Variants in HDLBP observed in about 807,000 individuals in gnomAD.
HDLBP encodes the protein vigilin.
Under a neutral mutation model 137.3 loss-of-function variants are expected in HDLBP, and 30 were observed. The observed-to-expected ratio is 0.22, with a 90% CI of 0.16 to 0.30. The LOEUF is 0.30. Ranked by LOEUF, HDLBP falls within the 10% of genes least tolerant of loss-of-function variation. The probability of loss-of-function intolerance (pLI) is 1.00; values close to 1 mark genes in which losing one functional copy is unlikely to be tolerated. For missense variants in HDLBP, 1,119 were observed against 1,667.3 expected (o/e 0.67, Z 5.73); for synonymous variants, 606 against 596.0 (o/e 1.02, Z -0.24).
intron 1 of HDLBP, chr2:241,302,556 A>G (rs1329470272): frequency 6.6e-6 from 1 of 152,268 alleles, no homozygotes; most frequent in Non-Finnish European, 1.5e-5. Context: ...ACAAATTGGT[A>G]AAAGTGCCAA....
intron 16 of HDLBP, among the ~76,000 whole-genome samples, chr2:241,245,525 G>C (rs1421564268): frequency 6.6e-6 from 1 of 152,192 alleles, no homozygotes; most frequent in Non-Finnish European, 1.5e-5. Flanking sequence ...AGGAGGCTGG[G>C]TGCAGTGGCT....
chr2:241,295,670 C>T (rs776762329), intron 1 of HDLBP, among the ~76,000 whole-genome samples: 19 of 152,166 alleles, frequency 1.2e-4, no homozygotes, highest in Non-Finnish European at 2.4e-4. Flanking sequence ...ATTTGTTTTA[C>T]TTTTCTTGGA....
chr2:241,241,801 A>G (rs1433610234), intron 17 of HDLBP, among the ~76,000 whole-genome samples: 2 of 152,152 alleles, frequency 1.3e-5, no homozygotes, highest in Non-Finnish European at 2.9e-5. Flanking sequence ...AAATTATAAA[A>G]CACCAATAAA....
intron 1 of HDLBP, among the ~76,000 whole-genome samples, chr2:241,298,496 G>C (rs754848316): frequency 2.0e-5 from 3 of 152,158 alleles, no homozygotes; most frequent in African/African-American, 7.2e-5. Context: ...ACAATCAACC[G>C]AATTAACTGG....
chr2:241,275,396 T>C (rs1049403949), intron 1 of HDLBP, among the ~76,000 whole-genome samples: 4 of 151,218 alleles, frequency 2.6e-5, no homozygotes, highest in Admixed American at 2.0e-4. Context: ...AGAAAAAAAA[T>C]CGAGAGATGG....
At chr2:241,313,522 AC>A (rs2075825084) in intron 1 of HDLBP, among the ~76,000 whole-genome samples, 1 of 151,714 alleles carries the variant, frequency 6.6e-6, no homozygotes, top group Non-Finnish European at 1.5e-5. Context: ...TCAAGTGTCC[AC>A]CCGCCTCGAC....
intron 21 of HDLBP, 73 bp from the exon 22 acceptor site, chr2:241,235,667 C>T (rs1268319995): frequency 4.9e-6 from 5 of 1,014,536 alleles, no homozygotes; most frequent in East Asian, 2.4e-5. Context: ...AGCAATGGGG[C>T]TCCACGAAAC....
In HDLBP at chr2:241,259,292, C is replaced by T. The variant is rs141526562; in HGVS notation, c.451-2486G>A. Among the ~76,000 whole-genome samples the T allele has an allele frequency of 3.3e-3, 504 of 152,238 alleles. 1 individual carries two copies. The highest frequency in any genetic ancestry group is 0.031 in the Middle Eastern group (9 of 294). ...AGGATAAACCAGGACCAGGAATGGC[C>T]GCCTGCAAAGGTGAGGAGGGAGCAG... On this transcript the variant is annotated intron_variant, in intron 5 of 27. Coordinates refer to ENST00000310931, the MANE Select transcript of HDLBP (RefSeq NM_005336.6).
At chr2:241,256,518 A>T in intron 6 of HDLBP, 82 bp downstream of exon 6, 1 of 1,534,664 alleles carries the variant, frequency 6.5e-7, no homozygotes. Flanking sequence ...CTTGAAGTCC[A>T]CACTGGACAC....
At chr2:241,250,388 A>C in intron 11 of HDLBP, 1 of 158,288 alleles carries the variant, frequency 6.3e-6, no homozygotes. Context: ...ACACACATTA[A>C]CTCCACACAA....
At chr2:241,294,181 A>G (rs1326474954) in intron 1 of HDLBP, among the ~76,000 whole-genome samples, 2 of 152,134 alleles carry the variant, frequency 1.3e-5, no homozygotes, top group African/African-American at 2.4e-5. Context: ...GCCACGAATT[A>G]TTTTTGTAAC....
chr2:241,304,826 T>G (rs931877399), intron 1 of HDLBP, among the ~76,000 whole-genome samples: 1 of 152,194 alleles, frequency 6.6e-6, no homozygotes, highest in Non-Finnish European at 1.5e-5. Context: ...TGGGTAAATC[T>G]GTCAAGATGG....
intron 16 of HDLBP, among the ~76,000 whole-genome samples, chr2:241,245,375 C>T (rs1181166984): frequency 2.0e-5 from 3 of 152,166 alleles, no homozygotes; most frequent in Admixed American, 1.3e-4. Context: ...TTAGTAGTGA[C>T]GGGGTTTTGC....
intron 1 of HDLBP, among the ~76,000 whole-genome samples, chr2:241,281,642 A>G (rs2074609926): frequency 2.0e-5 from 3 of 152,240 alleles, no homozygotes; most frequent in African/African-American, 4.8e-5. Context: ...ACATGTCACT[A>G]CAGCCTTCAC....
intron 1 of HDLBP, among the ~76,000 whole-genome samples, chr2:241,296,861 G>A (rs188608155): frequency 6.6e-6 from 1 of 152,330 alleles, no homozygotes; most frequent in African/African-American, 2.4e-5. Flanking sequence ...AGAAGTGCCT[G>A]CAAAAGAATA....
Position 241,256,760 on chromosome 2 carries a change from A to C in HDLBP, c.497T>G (p.Ile166Ser). The stretch of plus-strand genomic sequence containing the variant: ...TTGCAGTTTCTCTCCATTTTTGCCA[A>C]TAACAAAGCGATGGTGTTCTTTGGG... ...AIPKEHHRFV[I>S]GKNGEKLQDL... The change falls in exon 6 of 28, where the codon ATT (isoleucine) becomes AGT (serine). Residue 166 changes from isoleucine to serine, a missense_variant. Coordinates refer to ENST00000310931, the MANE Select transcript of HDLBP (RefSeq NM_005336.6). 6.2e-7 allele frequency: 1 copy of C among 1,614,218 alleles called. No individual in the cohort carries two copies. The highest frequency in any genetic ancestry group is 8.5e-7 in the Non-Finnish European group (1 of 1,180,044).
chr2:241,291,021 T>C (rs1238690157), intron 1 of HDLBP, among the ~76,000 whole-genome samples: 2 of 152,218 alleles, frequency 1.3e-5, no homozygotes, highest in Non-Finnish European at 2.9e-5. Flanking sequence ...GCTAAGTGTT[T>C]GTGAGACTTA....
In HDLBP at chr2:241,230,870, C is replaced by T. The variant is rs1390030377; in HGVS notation, c.3363G>A (p.Val1121=). 1 of 1,614,216 alleles carries T rather than the reference C, an allele frequency of 6.2e-7. No individual in the cohort carries two copies. The highest frequency in any genetic ancestry group is 1.1e-5 in the South Asian group (1 of 91,090). ...EAARDAILRI[V]GELEQMVSED... ...CAGAAACCATCTGCTCAAGTTCACC[C>T]ACAATTCTCAGTATAGCATCCCTGG... Residue 1121 remains valine (V), a synonymous_variant, in exon 25 of 28, where the codon GTG becomes GTA. Transcript: ENST00000310931. This position sits in a 1 kb window ranked among gnomAD's most constrained non-coding sequence, Gnocchi z 5.0.
At chr2:241,314,415 T>A (rs76287111) in intron 1 of HDLBP, among the ~76,000 whole-genome samples, 1,872 of 152,300 alleles carry the variant, frequency 0.012, 32 homozygotes, top group African/African-American at 0.043. Flanking sequence ...TTAAGGAAGT[T>A]AGCTGCTAAG....
Sources: allele counts gnomAD v4.1 joint callset (sites outside exome capture counted in the v4.1 genomes callset), GRCh38; gene constraint gnomAD v4.1.1; non-coding constraint Gnocchi (gnomAD v3.1); transcripts MANE v1.5; gene names NCBI Gene and HGNC (gene_info 2026-07-23, HGNC 2026-07-21).